ALDH9A1: variants seen among roughly 807,000 people sequenced by gnomAD.
The protein encoded by ALDH9A1 is 4-trimethylaminobutyraldehyde dehydrogenase.
A neutral mutation model predicts 56.6 loss-of-function variants in ALDH9A1; 42 were observed. That is an observed-to-expected ratio of 0.74 (90% CI 0.58 to 0.96). The LOEUF (loss-of-function observed/expected upper bound fraction) is 0.96, where lower values mean the gene tolerates loss of function less well. Among genes scored for constraint, ALDH9A1 ranks in the 40% least tolerant of loss-of-function variants. ALDH9A1 has a pLI of 0.00. For synonymous variants in ALDH9A1, 242 were observed against 236.0 expected, an observed-to-expected ratio of 1.03 and a Z score of -0.23; for missense variants, 661 against 651.5, an observed-to-expected ratio of 1.01 and a Z score of -0.16.
chr1:165,687,475 G>T (rs935894130), intron 2 of ALDH9A1, among the ~76,000 whole-genome samples: 1 of 151,970 alleles, frequency 6.6e-6, no homozygotes, highest in African/African-American at 2.4e-5. Flanking sequence ...AGCCAGGGGT[G>T]GGGGGTAGAG....
intron 1 of ALDH9A1, among the ~76,000 whole-genome samples, chr1:165,695,911 G>T (rs1650068214): frequency 6.6e-6 from 1 of 151,924 alleles, no homozygotes; most frequent in African/African-American, 2.4e-5. Flanking sequence ...GAGTGCAATG[G>T]CACGATCTTG....
At position 165,663,127 on chromosome 1, in the gene ALDH9A1, C is replaced by T. The variant is rs1648896710; in HGVS notation, c.1480G>A (p.Gly494Ser). ...GAATAATATTCGATTGTCACACGGC[C>T]GTTCTCTCTGCCAAATCCTGAAAGG... is the stretch of plus-strand genomic sequence containing the variant. ...YKKSGFGREN[G>S]RVTIEYYSQL... Residue 494 changes from glycine (G) to serine (S), a missense_variant, in exon 11 of 11, where the codon GGC becomes AGC. Coordinates refer to ENST00000354775, the MANE Select transcript of ALDH9A1 (RefSeq NM_000696.4). The T allele has an allele frequency of 3.1e-6, 5 of 1,613,888 alleles. No homozygotes were observed. Among genetic ancestry groups the T allele is most frequent in the Non-Finnish European group, 3.4e-6 (4 of 1,179,932 alleles).
intron 10 of ALDH9A1, 53 bp from the exon 11 acceptor site, chr1:165,663,197 G>T: frequency 7.0e-7 from 1 of 1,428,716 alleles, no homozygotes; most frequent in Non-Finnish European, 9.9e-7. Flanking sequence ...AGTCTGAAAA[G>T]TCACAATGAT....
chr1:165,676,832 T>C (rs893812732), intron 6 of ALDH9A1: 14 of 359,906 alleles, frequency 3.9e-5, no homozygotes, highest in Non-Finnish European at 2.1e-5. Context: ...ATTGTTTCTC[T>C]TTATTTAGTA....
chr1:165,698,174 T>C (rs1451686503), intron 1 of ALDH9A1: 1 of 1,327,382 alleles, frequency 7.5e-7, no homozygotes, highest in Admixed American at 3.9e-5. Flanking sequence ...TCATCAGCTT[T>C]GCTTTTCCTC....
intron 2 of ALDH9A1, among the ~76,000 whole-genome samples, chr1:165,687,747 G>A (rs1017158613): frequency 4.6e-5 from 7 of 152,156 alleles, no homozygotes; most frequent in Non-Finnish European, 1.0e-4. Flanking sequence ...CAGCACTTTG[G>A]GAAGCCGAGG....
chr1:165,663,188 G>C (rs372835382), intron 10 of ALDH9A1, 44 bp from the exon 11 acceptor site: 6 of 1,473,678 alleles, frequency 4.1e-6, no homozygotes, highest in Non-Finnish European at 5.7e-6. Flanking sequence ...CACTACAATA[G>C]TCTGAAAAGT....
At chr1:165,673,092 A>C in intron 6 of ALDH9A1, among the ~76,000 whole-genome samples, 1 of 135,102 alleles carries the variant, frequency 7.4e-6, no homozygotes, top group African/African-American at 2.7e-5. Flanking sequence ...AACTCACACT[A>C]TTCAATTGCA....
At chr1:165,669,792 G>A (rs1447219947) in intron 6 of ALDH9A1, among the ~76,000 whole-genome samples, 5 of 151,970 alleles carry the variant, frequency 3.3e-5, no homozygotes, top group Non-Finnish European at 1.5e-5. Flanking sequence ...TTTTAAGAAT[G>A]GAAGGGAACT....
At chr1:165,663,875 G>C (rs1165248769) in intron 10 of ALDH9A1, among the ~76,000 whole-genome samples, 1 of 152,214 alleles carries the variant, frequency 6.6e-6, no homozygotes, top group East Asian at 1.9e-4. Context: ...CAGCTGGTCA[G>C]GCCTGTTAGG....
In ALDH9A1 at chr1:165,676,684, C is replaced by A. The variant is rs74118867; in HGVS notation, c.930+2758G>T. On this transcript the variant is annotated intron_variant, in intron 6 of 10. Coordinates refer to ENST00000354775, the MANE Select transcript of ALDH9A1 (RefSeq NM_000696.4). ...CAAAGAGAAAGGTACCTGGTTTCAG[C>A]TGAAGCACCAGCCTACTCCACCCAG... The A allele has an allele frequency of 3.6e-3, 1,531 of 422,778 alleles. 23 individuals carry two copies. The highest frequency in any genetic ancestry group is 0.03 in the African/African-American group (1,432 of 47,762). 26.2% of individuals were successfully genotyped at this position (422,778 alleles called of 1,614,324 possible). A position where few individuals can be genotyped will look rare whatever the true frequency, so the allele number is the denominator to read the frequency against.
Position 165,677,813 on chromosome 1 carries a change from G to A in ALDH9A1, c.930+1629C>T, listed in dbSNP as rs148626192. Among the ~76,000 whole-genome samples the A allele has an allele frequency of 2.5e-3, 351 of 139,372 alleles. 13 individuals are homozygous for A. The East Asian group carries it at 0.064, about 25-fold the overall frequency. The allele number at this position is 139,372 out of a possible 152,430, so 91.4% of individuals were successfully genotyped here. A position where few individuals can be genotyped will look rare whatever the true frequency, so the allele number is the denominator to read the frequency against. On this transcript the variant is annotated intron_variant, in intron 6 of 10. Transcript: ENST00000354775. ...ACAGAGCTTGCAGTGAGCCGAGATC[G>A]CACCACTGTACTCCAGCCTGGGCGA...
intron 8 of ALDH9A1, among the ~76,000 whole-genome samples, chr1:165,668,187 C>A (rs1649063427): frequency 2.0e-5 from 3 of 152,080 alleles, no homozygotes; most frequent in Admixed American, 2.0e-4. Context: ...ATATTGATGA[C>A]TGATATGGTC....
At chr1:165,698,333 A>C in intron 1 of ALDH9A1, 45 bp downstream of exon 1, 1 of 1,555,926 alleles carries the variant, frequency 6.4e-7, no homozygotes, top group Non-Finnish European at 8.6e-7. Flanking sequence ...AAATCCGCGC[A>C]TCCGGCCCCA....
chr1:165,692,761 A>ATTT (rs1649936644), intron 2 of ALDH9A1, among the ~76,000 whole-genome samples: 1 of 151,414 alleles, frequency 6.6e-6, no homozygotes. Context: ...TGCCAAGACA[A>ATTT]TCCTAAGCCA....
chr1:165,685,423 G>A (rs1649676916), intron 2 of ALDH9A1, among the ~76,000 whole-genome samples: 1 of 152,126 alleles, frequency 6.6e-6, no homozygotes, highest in Admixed American at 6.6e-5. Flanking sequence ...AGGTAAAATA[G>A]CTATATACAT....
chr1:165,673,968 G>C (rs1442256881), intron 6 of ALDH9A1, among the ~76,000 whole-genome samples: 2 of 152,102 alleles, frequency 1.3e-5, no homozygotes, highest in African/African-American at 4.8e-5. Flanking sequence ...AGGTCATAAA[G>C]ACCTTGCTGA....
chr1:165,685,267 T>C (rs1417448353), intron 2 of ALDH9A1, among the ~76,000 whole-genome samples: 1 of 152,166 alleles, frequency 6.6e-6, no homozygotes, highest in African/African-American at 2.4e-5. Context: ...CAAGAGTAGG[T>C]CCCTCACTTC....
intron 10 of ALDH9A1, among the ~76,000 whole-genome samples, chr1:165,664,443 A>T (rs1166289889): frequency 6.6e-6 from 1 of 152,244 alleles, no homozygotes; most frequent in African/African-American, 2.4e-5. Context: ...TTGTGGTAAC[A>T]TATGTCTGAC....
Sources: gnomAD v4.1 joint callset for allele counts (sites outside exome capture counted in the v4.1 genomes callset) on GRCh38, gnomAD v4.1.1 for gene constraint, MANE v1.5 for transcripts, NCBI Gene and HGNC (gene_info 2026-07-23, HGNC 2026-07-21) for gene names.